Variants in ATRAID observed in about 807,000 individuals in gnomAD.
The protein encoded by ATRAID is all-trans retinoic acid-induced differentiation factor.
Under a neutral mutation model 28.8 loss-of-function variants are expected in ATRAID, and 26 were observed. The ratio of observed to expected loss-of-function variants is 0.90; its 90% CI spans 0.66 to 1.25. ATRAID has a LOEUF of 1.25. Ranked by LOEUF, ATRAID falls within the 50% of genes most tolerant of loss-of-function variation. The pLI is 0.00. For synonymous variants in ATRAID, 131 were observed against 108.5 expected (o/e 1.21, Z -1.29); for missense variants, 308 against 285.9 (o/e 1.08, Z -0.56).
At chr2:27,212,500 A>G (rs762960190) in intron 1 of ATRAID, 33 bp downstream of exon 1, 1 of 1,543,180 alleles carries the variant, frequency 6.5e-7, no homozygotes, top group East Asian at 2.5e-5. Context: ...GGGCTGAAGC[A>G]GGGTCGCTGG....
At position 27,217,109 on chromosome 2, in the gene ATRAID, AC is replaced by A; in HGVS notation, c.*163del. On this transcript the variant is annotated 3_prime_UTR_variant, in exon 7 of 7. Transcript: ENST00000380171. ...TTGCACTCCCTTGGTGTAGACAAAT[AC>A]CAGTTCCCATTGGTGTTGTTGCCTA... 1 of 592,376 alleles carries A rather than the reference AC, an allele frequency of 1.7e-6. No individual in the cohort carries two copies. The highest frequency in any genetic ancestry group is 2.9e-6 in the Non-Finnish European group (1 of 341,732). 36.7% of individuals were successfully genotyped at this position (592,376 alleles called of 1,614,324 possible).
At chr2:27,213,035 T>G (rs1572409727) in intron 1 of ATRAID, 142 bp from the exon 2 acceptor site, 2 of 1,028,396 alleles carry the variant, frequency 1.9e-6, no homozygotes, top group Non-Finnish European at 2.8e-6. Flanking sequence ...GTTACAAGGG[T>G]GGGACACGAG....
chr2:27,212,544 C>T lies in ATRAID; in HGVS notation c.99+77C>T, dbSNP rs1445037842. 10 of 1,499,892 alleles carry T rather than the reference C, an allele frequency of 6.7e-6. No individual in the cohort carries two copies. In the Admixed American group the frequency reaches 1.3e-4, roughly 19 times the overall value. 92.9% of individuals were successfully genotyped at this position (1,499,892 alleles called of 1,614,324 possible). On this transcript the variant is annotated intron_variant, in intron 1 of 6. Transcript: ENST00000380171. ...GCGTCGCGCTCGCCAGCGGCTCCCC[C>T]TTCTCCTCGGCGGGCCTGCGGTTCT...
intron 2 of ATRAID, among the ~76,000 whole-genome samples, chr2:27,214,713 G>A (rs1055826130): frequency 1.3e-5 from 2 of 152,178 alleles, no homozygotes; most frequent in African/African-American, 2.4e-5. Context: ...TTAGCCAGGC[G>A]TGGTGGCATG....
At position 27,213,290 on chromosome 2, in the gene ATRAID, C is replaced by T; in HGVS notation, c.213C>T (p.Thr71=). 1 of 1,613,496 alleles carries T rather than the reference C, an allele frequency of 6.2e-7. No homozygotes were observed. The change falls in exon 2 of 7, where the codon ACC becomes ACT. Residue 71 remains threonine (T), a synonymous_variant. Transcript: ENST00000380171. ...GTTGCTGCCTGAATCAGAAGGGCAC[C>T]ATCTTGGGGTGAGGGGAAGACATCC... is the stretch of plus-strand genomic sequence containing the variant. ...HARCCLNQKG[T]ILGLDLQNCS...
In ATRAID at chr2:27,215,736, A is replaced by G. The variant is rs780822904; in HGVS notation, c.470A>G (p.Asn157Ser). The G allele has an allele frequency of 5.0e-6, 8 of 1,614,256 alleles. No homozygotes were observed. The South Asian group carries it at 5.5e-5, about 11-fold the overall frequency. The change falls in exon 5 of 7, where the codon AAT becomes AGT. Residue 157 changes from asparagine to serine, a missense_variant. By Grantham distance (46) the Asn-to-Ser change is conservative. Transcript: ENST00000380171. ...TGTCAAGGGCAAAAGAACCTTTGCA[A>G]TAACACTGGGGACCCAGGTATGCTG... Reference protein sequence around the residue: ...QICQGQKNLCNNTGDPEMCPE... With the variant: ...QICQGQKNLCSNTGDPEMCPE...
intron 1 of ATRAID, chr2:27,212,755 C>G (rs558107241): frequency 2.2e-6 from 2 of 890,342 alleles, no homozygotes; most frequent in African/African-American, 1.8e-5. Flanking sequence ...CTTGTGTAAT[C>G]TCTCTACGCA....
rs1674579028 is a variant in ATRAID, at chr2:27,212,121, CCG to C, written c.-243_-242del. 1.3e-6 allele frequency: 2 copies of C among 1,500,812 alleles called. No homozygotes were observed. Among genetic ancestry groups the C allele is most frequent in the African/African-American group, 2.9e-5 (2 of 68,724 alleles). 93.0% of individuals were successfully genotyped at this position (1,500,812 alleles called of 1,614,324 possible). On this transcript the variant is annotated 5_prime_UTR_variant, in exon 1 of 7. Coordinates refer to ENST00000380171, the MANE Select transcript of ATRAID (RefSeq NM_001170795.4). ...GGAGTCTGCAGTCGGCTCCGGGAAG[CCG>C]CGCGGCGACGGGGGAGGCCTTCACT...
At chr2:27,213,834 A>T (rs1674717030) in intron 2 of ATRAID, among the ~76,000 whole-genome samples, 1 of 152,132 alleles carries the variant, frequency 6.6e-6, no homozygotes, top group African/African-American at 2.4e-5. Context: ...CTCTCTCCAT[A>T]CCTGAAATTG....
At position 27,216,983 on chromosome 2, in the gene ATRAID, C is replaced by A. The variant is rs1044325; in HGVS notation, c.*35C>A. ...GTCTTACCATTGACCTAAGATCAATCTGAACTATCTTAGCCCAGTCAGGGA... is the reference window on the plus strand; with the variant it reads ...GTCTTACCATTGACCTAAGATCAATATGAACTATCTTAGCCCAGTCAGGGA... On this transcript the variant is annotated 3_prime_UTR_variant, in exon 7 of 7. Transcript: ENST00000380171. The A allele has an allele frequency of 1.3e-6, 2 of 1,541,304 alleles. No homozygotes were observed. The highest frequency in any genetic ancestry group is 1.1e-5 in the South Asian group (1 of 88,164).
At chr2:27,213,467 C>A (rs1411169787) in intron 2 of ATRAID, 169 bp downstream of exon 2, 4 of 808,852 alleles carry the variant, frequency 4.9e-6, no homozygotes, top group African/African-American at 1.8e-5. Context: ...CCTTTCCACA[C>A]TCCAGGTACA....
chr2:27,216,619 A>C lies in ATRAID; in HGVS notation c.584A>C (p.Gln195Pro). The C allele has an allele frequency of 4.3e-6, 7 of 1,612,970 alleles. No individual in the cohort carries two copies. The highest frequency in any genetic ancestry group is 5.9e-6 in the Non-Finnish European group (7 of 1,178,894). The change falls in exon 6 of 7, where the codon CAG becomes CCG. Residue 195 changes from glutamine to proline, a missense_variant and splice_region_variant. Physicochemically the swap from Gln to Pro is moderately conservative, Grantham distance 76. Coordinates refer to ENST00000380171, the MANE Select transcript of ATRAID (RefSeq NM_001170795.4). ...TTCCATGGATACAAGTGTATGCGCC[A>C]GGTGAGGAATTAGGCCGTCTAACTA... ...DGFHGYKCMR[Q>P]GSFSLLMFFG...
Position 27,215,344 on chromosome 2 carries a change from T to A in ATRAID, c.245T>A (p.Leu82Gln), listed in dbSNP as rs773816633. The A allele has an allele frequency of 2.5e-6, 4 of 1,614,202 alleles. No individual in the cohort carries two copies. The highest frequency in any genetic ancestry group is 2.2e-5 in the South Asian group (2 of 91,086). The change falls in exon 3 of 7, where the codon CTG (leucine) becomes CAG (glutamine). Residue 82 changes from leucine to glutamine, a missense_variant. Transcript: ENST00000380171. The part of the protein sequence containing the change: ...ILGLDLQNCS[L>Q]EDPGPNFHQA... ...AGGCTGGATCTCCAGAACTGTTCTC[T>A]GGAGGACCCTGGTCCAAACTTTCAT... is the stretch of plus-strand genomic sequence containing the variant.
At chr2:27,213,536 C>T in intron 2 of ATRAID, 1 of 369,674 alleles carries the variant, frequency 2.7e-6, no homozygotes, top group Non-Finnish European at 4.8e-6. Flanking sequence ...TAACTTCAAA[C>T]TCAAAATGTT....
At position 27,215,191 on chromosome 2, in the gene ATRAID, A is replaced by G. The variant is rs1674773195; in HGVS notation, c.222-130A>G. Reference sequence around the variant, plus strand: ...AATTAAAATGTCTACCACAGCTCCTAGTGTGTGACTCTGAACACAGCTGTG... The same window carrying G: ...AATTAAAATGTCTACCACAGCTCCTGGTGTGTGACTCTGAACACAGCTGTG... On this transcript the variant is annotated intron_variant, in intron 2 of 6. Coordinates refer to ENST00000380171, the MANE Select transcript of ATRAID (RefSeq NM_001170795.4). 1.8e-5 allele frequency: 15 copies of G among 843,644 alleles called. No homozygotes were observed. The South Asian group carries it at 2.4e-4, about 13-fold the overall frequency. 52.3% of individuals were successfully genotyped at this position (843,644 alleles called of 1,614,324 possible). A position where few individuals can be genotyped will look rare whatever the true frequency, so the allele number is the denominator to read the frequency against.
In ATRAID at chr2:27,213,216, A is replaced by G. The variant is rs144540894; in HGVS notation, c.139A>G (p.Lys47Glu). ...QCPGSVQNLS[K>E]VAFYCKTTRE... ...TCCAGGGAGCGTGCAAAATTTGTCA[A>G]AAGTGGCCTTTTATTGTAAAACGAC... The change falls in exon 2 of 7, where the codon AAA becomes GAA. Residue 47 changes from lysine (K) to glutamate (E), a missense_variant. Transcript: ENST00000380171. The G allele has an allele frequency of 4.4e-5, 71 of 1,614,126 alleles. 1 individual carries two copies. In the African/African-American group the frequency reaches 7.5e-4, roughly 17 times the overall value.
At chr2:27,212,837 G>A (rs1674650367) in intron 1 of ATRAID, 3 of 487,192 alleles carry the variant, frequency 6.2e-6, no homozygotes, top group South Asian at 5.7e-5. Context: ...CGTACCTGCG[G>A]TCGTTTTACA....
At chr2:27,212,919 C>T (rs1273111947) in intron 1 of ATRAID, 2 of 505,830 alleles carry the variant, frequency 4.0e-6, no homozygotes, top group Non-Finnish European at 6.9e-6. Flanking sequence ...GAATAGTGAT[C>T]TTCAGAGATG....
rs976622141 is a variant in ATRAID at position 27,213,481 on chromosome 2, G to A, written c.221+183G>A. The A allele has an allele frequency of 1.4e-5, 9 of 627,856 alleles. No individual in the cohort carries two copies. The African/African-American group carries it at 1.7e-4, about 12-fold the overall frequency. The allele number at this position is 627,856 out of a possible 1,614,324, so 38.9% of individuals were successfully genotyped here. ...ACCTTTCCACACTCCAGGTACATAC[G>A]GGTACCTCTAGCTTCCTATTAAGCA... On this transcript the variant is annotated intron_variant, in intron 2 of 6. Coordinates refer to ENST00000380171, the MANE Select transcript of ATRAID (RefSeq NM_001170795.4).
Sources: allele counts gnomAD v4.1 joint callset (sites outside exome capture counted in the v4.1 genomes callset), GRCh38; gene constraint gnomAD v4.1.1; transcripts MANE v1.5; gene names NCBI Gene and HGNC (gene_info 2026-07-23, HGNC 2026-07-21).